EDIL3: variants seen among roughly 807,000 people sequenced by gnomAD.
EDIL3 encodes EGF like and discoidin domains 3.
Under a neutral mutation model 67.4 loss-of-function variants are expected in EDIL3, and 37 were observed. The ratio of observed to expected loss-of-function variants is 0.55; its 90% confidence interval spans 0.42 to 0.72. EDIL3 has a LOEUF of 0.72. EDIL3 is among the 30% of genes least tolerant of loss of function. The probability of loss-of-function intolerance (pLI) is 0.00; values close to 1 mark genes in which losing one functional copy is unlikely to be tolerated. For synonymous variants in EDIL3, 195 were observed against 196.3 expected (o/e 0.99, Z 0.05); for missense variants, 527 against 586.3 (o/e 0.90, Z 1.04).
At chr5:84,375,416 A>G (rs1747948643) in intron 1 of EDIL3, among the ~76,000 whole-genome samples, 1 of 145,858 alleles carries the variant, frequency 6.9e-6, no homozygotes, top group Non-Finnish European at 1.5e-5. Flanking sequence ...CATAAACCAG[A>G]AAAAAAAATA....
chr5:83,996,131 C>T (rs561962614), intron 9 of EDIL3, among the ~76,000 whole-genome samples: 1 of 152,238 alleles, frequency 6.6e-6, no homozygotes, highest in South Asian at 2.1e-4. Flanking sequence ...TTCCTATAAG[C>T]ATGGCAGTCA....
intron 9 of EDIL3, among the ~76,000 whole-genome samples, chr5:83,987,234 C>T (rs1745071598): frequency 6.6e-6 from 1 of 152,086 alleles, no homozygotes; most frequent in Non-Finnish European, 1.5e-5. Context: ...GTGCAGGCTA[C>T]TCCATTTGCA....
At chr5:84,316,265 A>G (rs563019288) in intron 1 of EDIL3, among the ~76,000 whole-genome samples, 1 of 152,320 alleles carries the variant, frequency 6.6e-6, no homozygotes, top group Admixed American at 6.5e-5. Context: ...TAACAATATT[A>G]ACTTTAAATG....
chr5:83,977,471 G>A (rs531252666), intron 9 of EDIL3, among the ~76,000 whole-genome samples: 18 of 151,766 alleles, frequency 1.2e-4, no homozygotes, highest in Middle Eastern at 6.8e-3. Flanking sequence ...AAGAATTTGC[G>A]AAGCTTCACT....
intron 2 of EDIL3, among the ~76,000 whole-genome samples, chr5:84,238,813 GATGTCTTTAA>G (rs1744733404): frequency 6.6e-6 from 1 of 151,632 alleles, no homozygotes; most frequent in African/African-American, 2.4e-5. Context: ...CCTTAATTGG[GATGTCTTTAA>G]AGAACTCAAC....
intron 9 of EDIL3, among the ~76,000 whole-genome samples, chr5:83,974,996 T>C (rs1345974177): frequency 6.6e-6 from 1 of 152,000 alleles, no homozygotes; most frequent in Non-Finnish European, 1.5e-5. Flanking sequence ...TGAATGCTGA[T>C]AAAATCTGAA....
intron 1 of EDIL3, among the ~76,000 whole-genome samples, chr5:84,328,778 T>G (rs1580080913): frequency 6.6e-6 from 1 of 152,006 alleles, no homozygotes; most frequent in East Asian, 1.9e-4. Context: ...CTGTCAGCGG[T>G]TCATATTATC....
intron 6 of EDIL3, among the ~76,000 whole-genome samples, chr5:84,097,573 T>G (rs1747286384): frequency 6.6e-6 from 1 of 152,196 alleles, no homozygotes. Context: ...TACTTTTATC[T>G]TTTCTGGATT....
At chr5:84,184,359 T>G (rs1176299868) in intron 3 of EDIL3, among the ~76,000 whole-genome samples, 1 of 152,112 alleles carries the variant, frequency 6.6e-6, no homozygotes, top group African/African-American at 2.4e-5. Flanking sequence ...AAGCAGAAAT[T>G]CTAAAAGGAA....
At chr5:84,162,520 G>A (rs1476773042) in intron 4 of EDIL3, among the ~76,000 whole-genome samples, 1 of 152,054 alleles carries the variant, frequency 6.6e-6, no homozygotes, top group Non-Finnish European at 1.5e-5. Flanking sequence ...TGCTTTGTGG[G>A]CTCTTTTTTT....
intron 9 of EDIL3, chr5:84,048,406 A>C (rs1746269081): frequency 4.0e-6 from 1 of 249,944 alleles, no homozygotes; most frequent in Admixed American, 5.3e-5. Context: ...TGAAAGCTTA[A>C]ATTCAATTGA....
At chr5:84,193,392 T>C (rs1227114972) in intron 3 of EDIL3, among the ~76,000 whole-genome samples, 1 of 151,776 alleles carries the variant, frequency 6.6e-6, no homozygotes, top group African/African-American at 2.4e-5. Flanking sequence ...ATTGGTGCCA[T>C]TCACTGAAAC....
At chr5:84,175,402 T>C (rs1748885447) in intron 4 of EDIL3, among the ~76,000 whole-genome samples, 1 of 152,164 alleles carries the variant, frequency 6.6e-6, no homozygotes, top group Non-Finnish European at 1.5e-5. Context: ...TAAAGACCCA[T>C]AGCAATCCCC....
At chr5:84,269,033 CCT>C (rs1745408880) in intron 1 of EDIL3, among the ~76,000 whole-genome samples, 1 of 152,064 alleles carries the variant, frequency 6.6e-6, no homozygotes, top group African/African-American at 2.4e-5. Flanking sequence ...CTTTAAACAC[CCT>C]CTTCTTTTTG....
At position 84,305,680 on chromosome 5, in the gene EDIL3, C is replaced by T. The variant is rs1199743573; in HGVS notation, c.68-51468G>A. On this transcript the variant is annotated intron_variant, in intron 1 of 10. Coordinates refer to ENST00000296591, the MANE Select transcript of EDIL3 (RefSeq NM_005711.5). The stretch of plus-strand genomic sequence containing the variant: ...GGCTCACAAGATCAGGAGACGGAAA[C>T]CATCCTGGCCAACATGGTGAAACCC... Among the ~76,000 whole-genome samples, 5 of 152,136 alleles carry T rather than the reference C, an allele frequency of 3.3e-5. No homozygotes were observed. In the East Asian group the frequency reaches 7.7e-4, roughly 23 times the overall value.
chr5:84,069,126 G>C (rs1746691943), intron 6 of EDIL3, among the ~76,000 whole-genome samples: 1 of 152,140 alleles, frequency 6.6e-6, no homozygotes, highest in Non-Finnish European at 1.5e-5. Context: ...CTATGAGCTT[G>C]GTGGATGCCT....
At chr5:84,061,204 A>G (rs142032479) in intron 8 of EDIL3, among the ~76,000 whole-genome samples, 3 of 152,268 alleles carry the variant, frequency 2.0e-5, no homozygotes, top group African/African-American at 7.2e-5. Context: ...TATTTCAATC[A>G]TATTCAATAA....
intron 1 of EDIL3, among the ~76,000 whole-genome samples, chr5:84,289,458 C>T (rs1020548417): frequency 2.0e-5 from 3 of 152,106 alleles, no homozygotes; most frequent in East Asian, 1.9e-4. Flanking sequence ...TTTCTCTTAA[C>T]GAGCTCTTTC....
chr5:84,362,501 T>C (rs933529506), intron 1 of EDIL3, among the ~76,000 whole-genome samples: 2 of 152,190 alleles, frequency 1.3e-5, no homozygotes, highest in African/African-American at 2.4e-5. Context: ...GACTTCAATA[T>C]CATTTTTATA....
Sources: allele counts gnomAD v4.1 joint callset (sites outside exome capture counted in the v4.1 genomes callset), GRCh38; gene constraint gnomAD v4.1.1; transcripts MANE v1.5; gene names NCBI Gene and HGNC (gene_info 2026-07-23, HGNC 2026-07-21).